The following SLC15A5 variants were observed in gnomAD, a reference collection of about 807,000 sequenced individuals.
SLC15A5 encodes solute carrier family 15 member 5.
A neutral mutation model predicts 56.1 loss-of-function variants in SLC15A5; 58 were observed. The observed-to-expected ratio is 1.03, with a 90% CI of 0.84 to 1.29. The LOEUF (loss-of-function observed/expected upper bound fraction) is 1.29, where lower values mean the gene tolerates loss of function less well. Among genes scored for constraint, SLC15A5 ranks in the 50% most tolerant of loss-of-function variants. SLC15A5 has a pLI of 0.00. For synonymous variants in SLC15A5, 264 were observed against 250.5 expected (o/e 1.05, Z -0.51); for missense variants, 681 against 672.1 (o/e 1.01, Z -0.15).
At chr12:16,268,726 T>C (rs553596964) in intron 2 of SLC15A5, among the ~76,000 whole-genome samples, 73 of 152,274 alleles carry the variant, frequency 4.8e-4, no homozygotes, top group African/African-American at 1.7e-3. Context: ...CAATCAATGA[T>C]TAGTTTCATT....
At chr12:16,218,516 C>G (rs898797032) in intron 6 of SLC15A5, among the ~76,000 whole-genome samples, 4 of 152,094 alleles carry the variant, frequency 2.6e-5, no homozygotes, top group African/African-American at 4.8e-5. Context: ...TATGGTCTAG[C>G]CTACTACACA....
rs1180851820 is a variant in SLC15A5, at chr12:16,189,763, C to G, written c.1645G>C (p.Glu549Gln). ...TTTTCGTGGAGGAGAAGTGTTTCTT[C>G]AAGATTACTTCCACGGATGTTCTGG... ...NAQNIRGSNL[E>Q]ETLLLHEKSL... Residue 549 changes from glutamate (E) to glutamine (Q), a missense_variant, in exon 9 of 9, where the codon GAA (glutamate) becomes CAA (glutamine). Coordinates refer to ENST00000344941, the MANE Select transcript of SLC15A5 (RefSeq NM_001170798.1). 6.5e-7 allele frequency: 1 copy of G among 1,529,272 alleles called. No individual in the cohort carries two copies. The highest frequency in any genetic ancestry group is 1.4e-5 in the African/African-American group (1 of 72,702). 94.7% of individuals were successfully genotyped at this position (1,529,272 alleles called of 1,614,324 possible).
chr12:16,230,171 T>C (rs1864282305), intron 5 of SLC15A5, among the ~76,000 whole-genome samples: 1 of 152,176 alleles, frequency 6.6e-6, no homozygotes, highest in Non-Finnish European at 1.5e-5. Flanking sequence ...GTATAGAATG[T>C]TTAGAATACG....
rs184052254 is a variant in SLC15A5 at position 16,236,223 on chromosome 12, A to C, written c.1162+3458T>G. The stretch of plus-strand genomic sequence containing the variant: ...TAAGGAAAGGAAATACTCATAGTGT[A>C]AACATTTGTGAACTAAAAAAAATAT... On this transcript the variant is annotated intron_variant, in intron 5 of 8. Transcript: ENST00000344941. Among the ~76,000 whole-genome samples the C allele has an allele frequency of 7.3e-3, 1,117 of 152,292 alleles. 12 individuals are homozygous for C. Among genetic ancestry groups the C allele is most frequent in the African/African-American group, 0.026 (1,068 of 41,570 alleles).
intron 6 of SLC15A5, among the ~76,000 whole-genome samples, chr12:16,223,110 T>C (rs1343723670): frequency 1.3e-5 from 2 of 152,152 alleles, no homozygotes; most frequent in East Asian, 1.9e-4. Flanking sequence ...ATTGCCTTGG[T>C]ATCATAAGTA....
chr12:16,261,575 T>C (rs965172079), intron 2 of SLC15A5, among the ~76,000 whole-genome samples: 1 of 152,226 alleles, frequency 6.6e-6, no homozygotes, highest in Non-Finnish European at 1.5e-5. Flanking sequence ...GACATTAATT[T>C]CTCTTGGTTA....
intron 2 of SLC15A5, 94 bp downstream of exon 2, chr12:16,272,467 A>C: frequency 1.7e-6 from 2 of 1,173,232 alleles, no homozygotes; most frequent in Non-Finnish European, 2.4e-6. Context: ...CCAATTCATC[A>C]CAAAGACTGA....
At chr12:16,204,669 A>G (rs1312220005) in intron 7 of SLC15A5, among the ~76,000 whole-genome samples, 1 of 152,076 alleles carries the variant, frequency 6.6e-6, no homozygotes, top group Non-Finnish European at 1.5e-5. Context: ...AACTGTCCCA[A>G]GATCACCTAC....
intron 5 of SLC15A5, among the ~76,000 whole-genome samples, chr12:16,236,086 T>C (rs1864349501): frequency 6.6e-6 from 1 of 152,200 alleles, no homozygotes; most frequent in African/African-American, 2.4e-5. Flanking sequence ...ACACTTCTGC[T>C]TTGTGTAAGC....
intron 3 of SLC15A5, among the ~76,000 whole-genome samples, chr12:16,250,869 T>C (rs1006050409): frequency 2.0e-5 from 3 of 151,808 alleles, no homozygotes; most frequent in Non-Finnish European, 4.4e-5. Context: ...AGGGAGAATA[T>C]TGAAGAATTT....
At chr12:16,218,987 G>A (rs894301152) in intron 6 of SLC15A5, among the ~76,000 whole-genome samples, 4 of 151,878 alleles carry the variant, frequency 2.6e-5, no homozygotes, top group African/African-American at 7.3e-5. Flanking sequence ...TTTTACTTTC[G>A]GTGTGTCCTG....
chr12:16,206,306 G>A (rs185611355), intron 7 of SLC15A5, among the ~76,000 whole-genome samples: 2 of 152,288 alleles, frequency 1.3e-5, no homozygotes, highest in Admixed American at 1.3e-4. Context: ...TAATGAAATA[G>A]TATCTTCTTG....
chr12:16,232,909 C>CT (rs1256584100), intron 5 of SLC15A5, among the ~76,000 whole-genome samples: 1 of 137,526 alleles, frequency 7.3e-6, no homozygotes, highest in Non-Finnish European at 1.5e-5. Context: ...GAGCTAGACT[C>CT]TGTCTAAAAA....
rs1266534865 is a variant in SLC15A5 at position 16,239,857 on chromosome 12, C to G, written c.986G>C (p.Gly329Ala). Residue 329 changes from glycine to alanine, a missense_variant, in exon 5 of 9, where the codon GGA (glycine) becomes GCA (alanine). Physicochemically the swap from Gly to Ala is moderately conservative, Grantham distance 60. Transcript: ENST00000344941. Reference protein sequence around the residue: ...YRMCIMQIPSGYYLQTMNSNL... With the variant: ...YRMCIMQIPSAYYLQTMNSNL... ...GGAATTCATAGTTTGCAGATAATAT[C>G]CTGAAGGAATCTGTATTCGAGAGGG... 1 of 1,536,748 alleles carries G rather than the reference C, an allele frequency of 6.5e-7. No individual in the cohort carries two copies. The highest frequency in any genetic ancestry group is 8.7e-7 in the Non-Finnish European group (1 of 1,146,676).
rs1162669085 is a variant in SLC15A5, at chr12:16,243,108, A to C, written c.975+1472T>G. ...ACTCAACTCTGCTATTTTTGTGCAT[A>C]AGCAGACATAGATACGACAAAACAA... is the stretch of plus-strand genomic sequence containing the variant. On this transcript the variant is annotated intron_variant, in intron 4 of 8. Coordinates refer to ENST00000344941, the MANE Select transcript of SLC15A5 (RefSeq NM_001170798.1). The surrounding 1 kb of genome is among the most constrained non-coding windows in gnomAD (Gnocchi z 4.4). Among the ~76,000 whole-genome samples the C allele has an allele frequency of 1.3e-5, 2 of 152,220 alleles. No individual in the cohort carries two copies. Among genetic ancestry groups the C allele is most frequent in the Non-Finnish European group, 2.9e-5 (2 of 68,036 alleles).
At chr12:16,256,775 C>T (rs562334516) in intron 3 of SLC15A5, among the ~76,000 whole-genome samples, 4 of 151,768 alleles carry the variant, frequency 2.6e-5, no homozygotes, top group East Asian at 1.9e-4. Context: ...AGGTGAATGG[C>T]GTGAACCTGG....
In SLC15A5 at chr12:16,217,006, C is replaced by A; in HGVS notation, c.1370G>T (p.Arg457Ile). The A allele has an allele frequency of 6.5e-7, 1 of 1,536,368 alleles. No homozygotes were observed. The highest frequency in any genetic ancestry group is 8.7e-7 in the Non-Finnish European group (1 of 1,146,482). Residue 457 changes from arginine (R) to isoleucine (I), a missense_variant, in exon 7 of 9, where the codon AGA (arginine) becomes ATA (isoleucine). Physicochemically the swap from Arg to Ile is moderately conservative, Grantham distance 97 (BLOSUM62 -3). Coordinates refer to ENST00000344941, the MANE Select transcript of SLC15A5 (RefSeq NM_001170798.1). ...TCCTCTGACATTGCTTGGAACAAAT[C>A]TGTATGATATTACAGAGACTGAGAG... The part of the protein sequence containing the change: ...VNPALSVISY[R>I]FVPSNVRGTS...
At chr12:16,229,885 T>C (rs899154414) in intron 5 of SLC15A5, among the ~76,000 whole-genome samples, 2 of 152,162 alleles carry the variant, frequency 1.3e-5, no homozygotes, top group Non-Finnish European at 2.9e-5. Flanking sequence ...CATCTAATCT[T>C]CTAAGAAGTT....
chr12:16,214,118 T>C (rs977046454), intron 7 of SLC15A5, among the ~76,000 whole-genome samples: 2 of 152,186 alleles, frequency 1.3e-5, no homozygotes, highest in Non-Finnish European at 2.9e-5. Flanking sequence ...CCCTAATCGT[T>C]ACATTTAAAA....
Sources: gnomAD v4.1 joint callset for allele counts (sites outside exome capture counted in the v4.1 genomes callset) on GRCh38, gnomAD v4.1.1 for gene constraint, Gnocchi (gnomAD v3.1) non-coding constraint, MANE v1.5 for transcripts, NCBI Gene and HGNC (gene_info 2026-07-23, HGNC 2026-07-21) for gene names.